Variants in EBF1 observed in about 807,000 individuals in gnomAD.
EBF1 encodes the protein transcription factor COE1.
A neutral mutation model predicts 68.4 loss-of-function variants in EBF1; 10 were observed. The ratio of observed to expected loss-of-function variants is 0.15; its 90% CI spans 0.09 to 0.25. The LOEUF (loss-of-function observed/expected upper bound fraction) is 0.25. EBF1 is among the 10% of genes least tolerant of loss of function. The probability of loss-of-function intolerance (pLI) is 1.00; values close to 1 mark genes in which losing one functional copy is unlikely to be tolerated. For missense variants in EBF1, 509 were observed against 794.4 expected, an observed-to-expected ratio of 0.64 and a Z score of 4.32; for synonymous variants, 298 against 299.8, an observed-to-expected ratio of 0.99 and a Z score of 0.06.
intron 10 of EBF1, among the ~76,000 whole-genome samples, chr5:158,758,978 C>A (rs1770779399): frequency 6.6e-6 from 1 of 152,174 alleles, no homozygotes; most frequent in Non-Finnish European, 1.5e-5. Flanking sequence ...CACTGTTTGG[C>A]AACTACATGT....
intron 6 of EBF1, among the ~76,000 whole-genome samples, chr5:158,924,846 C>CT (rs2127417152): frequency 9.9e-6 from 1 of 101,466 alleles, no homozygotes; most frequent in South Asian, 3.5e-4. Flanking sequence ...GAGCGAGACT[C>CT]TGTCTCAAAA....
intron 6 of EBF1, among the ~76,000 whole-genome samples, chr5:159,046,327 A>G (rs547953067): frequency 6.6e-6 from 1 of 152,324 alleles, no homozygotes; most frequent in Admixed American, 6.5e-5. Flanking sequence ...CAGGCTCTCA[A>G]TAATCTTGTT....
intron 6 of EBF1, among the ~76,000 whole-genome samples, chr5:159,034,962 T>A (rs1769731369): frequency 6.6e-6 from 1 of 152,212 alleles, no homozygotes; most frequent in South Asian, 2.1e-4. Context: ...TGGCTTCACA[T>A]GGTGCTCTTT....
At chr5:158,714,794 T>C (rs1760270747) in intron 11 of EBF1, among the ~76,000 whole-genome samples, 1 of 152,210 alleles carries the variant, frequency 6.6e-6, no homozygotes, top group Non-Finnish European at 1.5e-5. Context: ...CAATTTTCAT[T>C]ACTGGCAGTA....
At chr5:158,750,975 G>T (rs927114275) in intron 10 of EBF1, among the ~76,000 whole-genome samples, 19 of 152,038 alleles carry the variant, frequency 1.2e-4, no homozygotes, top group African/African-American at 4.3e-4. Context: ...GGGAGATGAT[G>T]CAGCCTATTA....
In EBF1 at chr5:159,073,476, A is replaced by G; in HGVS notation, c.486-12T>C. The G allele has an allele frequency of 6.2e-7, 1 of 1,614,016 alleles. No individual in the cohort carries two copies. The highest frequency in any genetic ancestry group is 1.3e-5 in the African/African-American group (1 of 75,046). The stretch of plus-strand genomic sequence containing the variant: ...TGTCACAACAGCGGCTATGGAGCAA[A>G]AGCGAAAGGATTTAGTACAACCATT... On this transcript the variant is annotated splice_polypyrimidine_tract_variant and intron_variant, in intron 5 of 15. Coordinates refer to ENST00000313708, the MANE Select transcript of EBF1 (RefSeq NM_024007.5).
At chr5:158,935,890 A>T (rs1468009012) in intron 6 of EBF1, among the ~76,000 whole-genome samples, 1 of 152,250 alleles carries the variant, frequency 6.6e-6, no homozygotes, top group African/African-American at 2.4e-5. Context: ...AAATAAGTAG[A>T]TGATTCATAT....
intron 6 of EBF1, among the ~76,000 whole-genome samples, chr5:158,965,066 G>A (rs1485430849): frequency 6.6e-6 from 1 of 152,174 alleles, no homozygotes; most frequent in African/African-American, 2.4e-5. Context: ...CCTGAACTAT[G>A]AGTCAAAAAC....
intron 8 of EBF1, among the ~76,000 whole-genome samples, chr5:158,807,076 C>G (rs1338541714): frequency 6.6e-6 from 1 of 152,168 alleles, no homozygotes; most frequent in Non-Finnish European, 1.5e-5. Context: ...AGATAGGACA[C>G]TTCCATCATC....
At chr5:158,701,934 T>G (rs555216454) in intron 15 of EBF1, among the ~76,000 whole-genome samples, 1 of 152,252 alleles carries the variant, frequency 6.6e-6, no homozygotes, top group African/African-American at 2.4e-5. Flanking sequence ...CAGTGCTGAG[T>G]ATCCTCATGG....
intron 9 of EBF1, among the ~76,000 whole-genome samples, chr5:158,787,135 A>T (rs186775070): frequency 1.3e-5 from 2 of 152,360 alleles, no homozygotes; most frequent in East Asian, 3.9e-4. Context: ...ATGTGGCTGT[A>T]CAACTGCTTC....
intron 10 of EBF1, among the ~76,000 whole-genome samples, chr5:158,762,190 C>G (rs1054734097): frequency 6.6e-6 from 1 of 152,186 alleles, no homozygotes; most frequent in Non-Finnish European, 1.5e-5. Context: ...GAAGGATTCA[C>G]ACCATAAATG....
At chr5:158,842,151 A>G (rs1790455109) in intron 6 of EBF1, among the ~76,000 whole-genome samples, 3 of 152,226 alleles carry the variant, frequency 2.0e-5, no homozygotes, top group African/African-American at 7.2e-5. Context: ...AATATGACAG[A>G]TTTGGTAAAG....
At chr5:158,863,756 T>C (rs1190478270) in intron 6 of EBF1, among the ~76,000 whole-genome samples, 1 of 152,158 alleles carries the variant, frequency 6.6e-6, no homozygotes, top group Non-Finnish European at 1.5e-5. Context: ...AGAATATCAT[T>C]TATAACAATA....
chr5:159,078,280 G>A (rs1779148425), intron 5 of EBF1, among the ~76,000 whole-genome samples: 3 of 152,086 alleles, frequency 2.0e-5, no homozygotes, highest in Admixed American at 1.3e-4. Context: ...AGGACCAAGA[G>A]TGAGCACCAA....
At position 158,893,060 on chromosome 5, in the gene EBF1, C is replaced by T. The variant is rs7712033; in HGVS notation, c.555-52950G>A. 5.9e-3 allele frequency among the ~76,000 whole-genome samples: 897 copies of T among 152,222 alleles called. 15 individuals are homozygous for T. The highest frequency in any genetic ancestry group is 0.021 in the African/African-American group (859 of 41,560). Reference sequence around the variant, plus strand: ...TCACACACCATTCATTTCCATTACTCACTCTCTGATTTGGCTATACCCATC... The same window carrying T: ...TCACACACCATTCATTTCCATTACTTACTCTCTGATTTGGCTATACCCATC... On this transcript the variant is annotated intron_variant, in intron 6 of 15. Transcript: ENST00000313708.
At chr5:158,923,202 T>G (rs1483032761) in intron 6 of EBF1, among the ~76,000 whole-genome samples, 1 of 152,206 alleles carries the variant, frequency 6.6e-6, no homozygotes, top group Non-Finnish European at 1.5e-5. Flanking sequence ...CAGGTCCAGG[T>G]GATAAGTAAC....
At chr5:158,774,554 T>A (rs560328418) in intron 10 of EBF1, among the ~76,000 whole-genome samples, 1 of 152,194 alleles carries the variant, frequency 6.6e-6, no homozygotes, top group African/African-American at 2.4e-5. Flanking sequence ...AAACCAAGCC[T>A]CACATCTTGA....
At chr5:158,881,257 C>T (rs1582847301) in intron 6 of EBF1, among the ~76,000 whole-genome samples, 1 of 152,226 alleles carries the variant, frequency 6.6e-6, no homozygotes, top group East Asian at 1.9e-4. Context: ...ATAAAAGCTT[C>T]ATTGCCCTAT....
Sources: allele counts gnomAD v4.1 joint callset (sites outside exome capture counted in the v4.1 genomes callset), GRCh38; gene constraint gnomAD v4.1.1; transcripts MANE v1.5; gene names NCBI Gene and HGNC (gene_info 2026-07-23, HGNC 2026-07-21).